Variants in ACTR3C observed in about 807,000 individuals in gnomAD.
ACTR3C encodes the protein actin related protein 3C.
Under a neutral mutation model 26.3 loss-of-function variants are expected in ACTR3C, and 18 were observed. That is an observed-to-expected ratio of 0.68 (90% CI 0.47 to 1.01). The LOEUF is 1.01. ACTR3C is among the 50% of genes least tolerant of loss of function. ACTR3C has a pLI of 0.00. For missense variants in ACTR3C, 184 were observed against 250.7 expected (o/e 0.73, Z 1.80); for synonymous variants, 55 against 94.5 (o/e 0.58, Z 2.42).
the ACTR3C span, among the ~76,000 whole-genome samples, chr7:150,073,372 G>A: frequency 3.3e-5 from 5 of 151,902 alleles, no homozygotes; most frequent in African/African-American, 4.8e-5. Flanking sequence ...TTTAGAAACA[G>A]TGAAGGTGTC....
chr7:150,128,817 A>G, the ACTR3C span, among the ~76,000 whole-genome samples: 6 of 152,094 alleles, frequency 3.9e-5, no homozygotes, highest in Admixed American at 1.3e-4. Flanking sequence ...GACTTTGGAC[A>G]ACAGGCAGTA....
chr7:149,973,091 G>C, the ACTR3C span, among the ~76,000 whole-genome samples: 1,714 of 152,040 alleles, frequency 0.011, 4 homozygotes, highest in Non-Finnish European at 0.018. Flanking sequence ...CCACGAGCGG[G>C]CAGCACAACT....
chr7:150,145,119 CTG>C, the ACTR3C span, among the ~76,000 whole-genome samples: 4 of 142,748 alleles, frequency 2.8e-5, no homozygotes, highest in Non-Finnish European at 4.5e-5. Flanking sequence ...AGAGAAATAA[CTG>C]AGTGGAAAAA....
chr7:150,146,028 A>G, the ACTR3C span, among the ~76,000 whole-genome samples: 1 of 152,010 alleles, frequency 6.6e-6, no homozygotes, highest in Non-Finnish European at 1.5e-5. Flanking sequence ...TTCCACGTCT[A>G]TAGTTGCTTA....
At chr7:150,287,567 G>A (rs1340944124) in intron 4 of ACTR3C, among the ~76,000 whole-genome samples, 10 of 152,232 alleles carry the variant, frequency 6.6e-5, no homozygotes, top group Non-Finnish European at 1.5e-4. Flanking sequence ...AGCACGAGGT[G>A]GGCCGCCCAG....
At chr7:150,102,048 C>A in the ACTR3C span, among the ~76,000 whole-genome samples, 2 of 151,676 alleles carry the variant, frequency 1.3e-5, 1 homozygote. Context: ...CACTTCCCAT[C>A]TCATTACAAG....
chr7:150,176,867 T>C, the ACTR3C span, among the ~76,000 whole-genome samples: 1 of 150,958 alleles, frequency 6.6e-6, no homozygotes, highest in Non-Finnish European at 1.5e-5. Flanking sequence ...TTTTTAATAA[T>C]TGTATAGCAC....
the ACTR3C span, among the ~76,000 whole-genome samples, chr7:150,039,696 C>CAGG: frequency 8.0e-6 from 1 of 124,410 alleles, no homozygotes; most frequent in Admixed American, 7.9e-5. Context: ...GGTCCTAAGC[C>CAGG]GGGGGGGAAG....
intron 1 of ACTR3C, chr7:150,322,867 G>A (rs1797689523): frequency 6.6e-6 from 1 of 152,248 alleles, no homozygotes; most frequent in African/African-American, 2.4e-5. Flanking sequence ...TGAACCGACC[G>A]ATAGATGAGC....
chr7:150,272,271 C>T (rs1213647612), intron 6 of ACTR3C, among the ~76,000 whole-genome samples: 6 of 139,308 alleles, frequency 4.3e-5, no homozygotes, highest in South Asian at 2.5e-4. Context: ...AGACGTCCCC[C>T]GAGCAGCTGA....
At chr7:150,053,438 T>A in the ACTR3C span, among the ~76,000 whole-genome samples, 2 of 152,238 alleles carry the variant, frequency 1.3e-5, no homozygotes, top group Non-Finnish European at 2.9e-5. Context: ...GGAGAGGTGA[T>A]GGCTGCATTC....
chr7:150,069,105 GT>G, the ACTR3C span, among the ~76,000 whole-genome samples: 1 of 152,280 alleles, frequency 6.6e-6, no homozygotes, highest in Admixed American at 6.5e-5. Flanking sequence ...TGAAATAATG[GT>G]GACAGTATGT....
At chr7:150,094,262 A>G in the ACTR3C span, among the ~76,000 whole-genome samples, 28 of 150,266 alleles carry the variant, frequency 1.9e-4, 2 homozygotes, top group Middle Eastern at 0.014. Flanking sequence ...CATGGATAAC[A>G]GAACCCAGAG....
At chr7:150,145,362 A>T in the ACTR3C span, among the ~76,000 whole-genome samples, 1 of 152,224 alleles carries the variant, frequency 6.6e-6, no homozygotes, top group Non-Finnish European at 1.5e-5. Flanking sequence ...TGACTGAATT[A>T]GAAGACTTAC....
the ACTR3C span, among the ~76,000 whole-genome samples, chr7:150,175,858 GA>G: frequency 8.7e-4 from 129 of 147,756 alleles, 9 homozygotes; most frequent in African/African-American, 3.2e-3. Context: ...GGAAGGAAGG[GA>G]AAGAAAAGAA....
At chr7:149,994,844 C>CTTT in the ACTR3C span, among the ~76,000 whole-genome samples, 13 of 112,414 alleles carry the variant, frequency 1.2e-4, no homozygotes, top group African/African-American at 1.3e-4. Flanking sequence ...TGTTAACATT[C>CTTT]TTTTTTTTTT....
chr7:150,151,310 C>T, the ACTR3C span, among the ~76,000 whole-genome samples: 3 of 137,796 alleles, frequency 2.2e-5, 1 homozygote, highest in Non-Finnish European at 4.8e-5. Context: ...CATTGGAAAC[C>T]TTAGCTAGCT....
the ACTR3C span, among the ~76,000 whole-genome samples, chr7:150,225,336 T>G: frequency 6.6e-6 from 1 of 152,206 alleles, no homozygotes; most frequent in East Asian, 1.9e-4. Context: ...ATGGTGTATG[T>G]CTATATTCAG....
At chr7:150,230,156 C>T in the ACTR3C span, among the ~76,000 whole-genome samples, 23,446 of 151,422 alleles carry the variant, frequency 0.15, 2,755 homozygotes, top group African/African-American at 0.32. Flanking sequence ...ACCTGGGAGG[C>T]GGAGCTTGCA....
Sources: allele counts gnomAD v4.1 joint callset (sites outside exome capture counted in the v4.1 genomes callset), GRCh38; gene constraint gnomAD v4.1.1; transcripts MANE v1.5; gene names NCBI Gene and HGNC (gene_info 2026-07-23, HGNC 2026-07-21).